The following CARMIL1 variants were observed in gnomAD, a reference collection of about 807,000 sequenced individuals.
The protein encoded by CARMIL1 is F-actin-uncapping protein LRRC16A.
CARMIL1 carries 90 observed loss-of-function variants against 177.1 expected under a neutral mutation model. The ratio of observed to expected loss-of-function variants is 0.51; its 90% CI spans 0.43 to 0.61. The LOEUF (loss-of-function observed/expected upper bound fraction) is 0.61, where lower values mean the gene tolerates loss of function less well. CARMIL1 is among the 20% of genes least tolerant of loss of function. CARMIL1 has a pLI of 0.00. For synonymous variants in CARMIL1, 577 were observed against 606.2 expected (o/e 0.95, Z 0.71); for missense variants, 1,380 against 1,667.0 (o/e 0.83, Z 3.00).
chr6:25,576,895 T>C lies in CARMIL1; in HGVS notation c.2743-4029T>C. The C allele has an allele frequency of 6.3e-6, 4 of 639,596 alleles. No individual in the cohort carries two copies. In the South Asian group the frequency reaches 2.8e-4, roughly 45 times the overall value. The allele number at this position is 639,596 out of a possible 1,614,324, so 39.6% of individuals were successfully genotyped here. A position where few individuals can be genotyped will look rare whatever the true frequency, so the allele number is the denominator to read the frequency against. On this transcript the variant is annotated intron_variant, in intron 29 of 36. Coordinates refer to ENST00000329474, the MANE Select transcript of CARMIL1 (RefSeq NM_017640.6). Reference sequence around the variant, plus strand: ...TTTCTTTGTTTGTGAATGGTATCCCTCTCCCTCCCCTTTCCTAGTAATGCT... The same window carrying C: ...TTTCTTTGTTTGTGAATGGTATCCCCCTCCCTCCCCTTTCCTAGTAATGCT...
chr6:25,420,079 G>C, intron 2 of CARMIL1, 35 bp from the exon 3 acceptor site: 1 of 1,579,584 alleles, frequency 6.3e-7, no homozygotes, highest in Non-Finnish European at 8.7e-7. Context: ...CCACTTTTTG[G>C]TGCTTATACT....
chr6:25,560,202 A>G (rs189918055), intron 29 of CARMIL1, among the ~76,000 whole-genome samples: 69 of 152,316 alleles, frequency 4.5e-4, no homozygotes, highest in African/African-American at 1.6e-3. Flanking sequence ...AAAGTTAAAG[A>G]AAAAGGCAGT....
chr6:25,560,913 T>C (rs1451616579), intron 29 of CARMIL1, among the ~76,000 whole-genome samples: 2 of 152,238 alleles, frequency 1.3e-5, no homozygotes, highest in Non-Finnish European at 2.9e-5. Context: ...AAATATCTGC[T>C]GTGTTCAGTT....
At chr6:25,460,806 A>G (rs1800054443) in intron 8 of CARMIL1, among the ~76,000 whole-genome samples, 1 of 152,228 alleles carries the variant, frequency 6.6e-6, no homozygotes, top group African/African-American at 2.4e-5. Context: ...AATGCTGCTA[A>G]GGCCATCCTT....
intron 2 of CARMIL1, among the ~76,000 whole-genome samples, chr6:25,328,410 T>C (rs1034503388): frequency 1.3e-5 from 2 of 152,230 alleles, no homozygotes; most frequent in African/African-American, 4.8e-5. Flanking sequence ...GATAGAGCCT[T>C]GAATCTTGCA....
chr6:25,376,392 T>A (rs532361064), intron 2 of CARMIL1, among the ~76,000 whole-genome samples: 2 of 152,356 alleles, frequency 1.3e-5, no homozygotes, highest in African/African-American at 2.4e-5. Flanking sequence ...CAGAATTATT[T>A]TTCTAGTTCC....
intron 2 of CARMIL1, among the ~76,000 whole-genome samples, chr6:25,395,525 G>A (rs1793295601): frequency 6.6e-6 from 1 of 152,178 alleles, no homozygotes; most frequent in African/African-American, 2.4e-5. Flanking sequence ...ACTGAACAAT[G>A]CATCTTCTGG....
At chr6:25,591,004 T>C (rs1218200657) in intron 31 of CARMIL1, among the ~76,000 whole-genome samples, 1 of 152,250 alleles carries the variant, frequency 6.6e-6, no homozygotes, top group African/African-American at 2.4e-5. Context: ...TAATTAATTT[T>C]CCATGTTTTT....
At chr6:25,593,594 C>T (rs187993945) in intron 31 of CARMIL1, among the ~76,000 whole-genome samples, 33 of 152,296 alleles carry the variant, frequency 2.2e-4, no homozygotes, top group Admixed American at 1.9e-3. Context: ...AGGATCCAGG[C>T]GTGGCTTATT....
At chr6:25,465,171 G>C (rs1017174966) in intron 8 of CARMIL1, among the ~76,000 whole-genome samples, 6 of 151,628 alleles carry the variant, frequency 4.0e-5, no homozygotes, top group African/African-American at 1.5e-4. Context: ...GCAGTACCTT[G>C]CTTGCAATAT....
chr6:25,589,028 T>C lies in CARMIL1; in HGVS notation c.3007-5387T>C, dbSNP rs79901524. On this transcript the variant is annotated intron_variant, in intron 31 of 36. Coordinates refer to ENST00000329474, the MANE Select transcript of CARMIL1 (RefSeq NM_017640.6). ...TTAAAATGGACTAACTCCTGGGTAATAGGTTTTCTCCTGTATGCATTGAAT... is the reference window on the plus strand; with the variant it reads ...TTAAAATGGACTAACTCCTGGGTAACAGGTTTTCTCCTGTATGCATTGAAT... Among the ~76,000 whole-genome samples the C allele has an allele frequency of 5.7e-3, 868 of 152,286 alleles. 5 individuals are homozygous for C. Among genetic ancestry groups the C allele is most frequent in the Non-Finnish European group, 8.2e-3 (557 of 68,032 alleles).
At chr6:25,576,978 T>A in intron 29 of CARMIL1, 1 of 985,338 alleles carries the variant, frequency 1.0e-6, no homozygotes, top group Non-Finnish European at 1.2e-6. Flanking sequence ...GCATGGAGAC[T>A]CTCTGCTGTA....
chr6:25,548,565 T>C (rs777672956), intron 26 of CARMIL1, among the ~76,000 whole-genome samples: 8 of 152,148 alleles, frequency 5.3e-5, no homozygotes, highest in Non-Finnish European at 5.9e-5. Context: ...GAAGGATGGA[T>C]GTTGAACAGG....
At chr6:25,609,844 AC>A (rs1816354472) in intron 35 of CARMIL1, among the ~76,000 whole-genome samples, 1 of 152,232 alleles carries the variant, frequency 6.6e-6, no homozygotes, top group South Asian at 2.1e-4. Flanking sequence ...GCAGATATTA[AC>A]TTTTTATGAG....
At chr6:25,448,916 CTTTTTTT>C (rs36000360) in intron 5 of CARMIL1, among the ~76,000 whole-genome samples, 1 of 126,434 alleles carries the variant, frequency 7.9e-6, no homozygotes, top group African/African-American at 2.9e-5. Context: ...AGGGATTCTT[CTTTTTTT>C]TTTTTTTTTT....
At chr6:25,618,228 T>G (rs1277962419) in intron 36 of CARMIL1, among the ~76,000 whole-genome samples, 1 of 151,878 alleles carries the variant, frequency 6.6e-6, no homozygotes, top group Admixed American at 6.6e-5. Flanking sequence ...CACTCTTCAG[T>G]GAGTTCAACA....
At chr6:25,432,643 A>G (rs999480913) in intron 4 of CARMIL1, among the ~76,000 whole-genome samples, 16 of 152,178 alleles carry the variant, frequency 1.1e-4, no homozygotes, top group African/African-American at 2.9e-4. Flanking sequence ...AATACCTGCT[A>G]TGATTTTTTC....
chr6:25,474,146 C>T (rs1186554779), intron 11 of CARMIL1, among the ~76,000 whole-genome samples: 1 of 148,090 alleles, frequency 6.8e-6, no homozygotes. Flanking sequence ...CTTGCTTTGT[C>T]CCCCAGGCTG....
intron 24 of CARMIL1, among the ~76,000 whole-genome samples, chr6:25,537,079 A>G (rs923096846): frequency 3.3e-5 from 5 of 152,060 alleles, no homozygotes; most frequent in African/African-American, 9.7e-5. Flanking sequence ...CATAATCTTA[A>G]CCTTTCTGAA....
Sources: allele counts gnomAD v4.1 joint callset (sites outside exome capture counted in the v4.1 genomes callset), GRCh38; gene constraint gnomAD v4.1.1; transcripts MANE v1.5; gene names NCBI Gene and HGNC (gene_info 2026-07-23, HGNC 2026-07-21).